Variants in NLRC3 observed in about 807,000 individuals in gnomAD.
The protein encoded by NLRC3 is NLR family CARD domain-containing protein 3.
A neutral mutation model predicts 91.6 loss-of-function variants in NLRC3; 87 were observed. The ratio of observed to expected loss-of-function variants is 0.95; its 90% CI spans 0.80 to 1.14. The LOEUF is 1.14. Among genes scored for constraint, NLRC3 ranks in the 50% most tolerant of loss-of-function variants. The pLI, the probability that NLRC3 is intolerant of heterozygous loss-of-function variation, is 0.00. For missense variants in NLRC3, 1,577 were observed against 1,418.6 expected (o/e 1.11, Z -1.79); for synonymous variants, 694 against 625.3 (o/e 1.11, Z -1.64).
chr16:3,576,766 G>A (rs551126159), intron 1 of NLRC3, among the ~76,000 whole-genome samples: 5 of 152,222 alleles, frequency 3.3e-5, no homozygotes, highest in African/African-American at 4.8e-5. Flanking sequence ...GGGTTCAAGC[G>A]GTTCTCCTGC....
In NLRC3 at chr16:3,564,929, G is replaced by A; in HGVS notation, c.108C>T (p.Gly36=). The A allele has an allele frequency of 6.2e-7, 1 of 1,610,378 alleles. No homozygotes were observed. The highest frequency in any genetic ancestry group is 8.5e-7 in the Non-Finnish European group (1 of 1,179,678). The stretch of plus-strand genomic sequence containing the variant: ...CCTGCGGGGCCTGGGAGCCTTGACT[G>A]CCCTTCCCAGCCAGCAGATCCATGA... ...KALMDLLAGK[G]SQGSQAPQAL... Residue 36 remains glycine (G), a synonymous_variant, in exon 4 of 20, where the codon GGC becomes GGT. Coordinates refer to ENST00000359128, the MANE Select transcript of NLRC3 (RefSeq NM_178844.4). The surrounding 1 kb of genome is among the most constrained non-coding windows in gnomAD (Gnocchi z 5.9).
intron 17 of NLRC3, 44 bp downstream of exon 17, chr16:3,543,381 A>G (rs1567457206): frequency 7.4e-7 from 1 of 1,352,614 alleles, no homozygotes; most frequent in Non-Finnish European, 1.0e-6. Flanking sequence ...GAATTCATTG[A>G]TTTCTTTGGG....
Position 3,541,722 on chromosome 16 carries a change from A to G in NLRC3, c.*103T>C, listed in dbSNP as rs1178882011. The stretch of plus-strand genomic sequence containing the variant: ...GCAGAGCCCGGCTCTCGTGCTGAGC[A>G]AGCAGCGTTCCCAGCTCCCAGACAG... On this transcript the variant is annotated 3_prime_UTR_variant, in exon 20 of 20. Transcript: ENST00000359128. 2 of 763,802 alleles carry G rather than the reference A, an allele frequency of 2.6e-6. No homozygotes were observed. Among genetic ancestry groups the G allele is most frequent in the Non-Finnish European group, 4.5e-6 (2 of 444,376 alleles). The allele number at this position is 763,802 out of a possible 1,614,324, so 47.3% of individuals were successfully genotyped here.
chr16:3,572,994 A>G (rs2040152633), intron 1 of NLRC3, among the ~76,000 whole-genome samples: 1 of 145,444 alleles, frequency 6.9e-6, no homozygotes, highest in Non-Finnish European at 1.5e-5. Flanking sequence ...CCTGGGCGAT[A>G]GAGCAAGACT....
rs2039370331 is a variant in NLRC3 at position 3,556,975 on chromosome 16, C to T, written c.2119G>A (p.Gly707Arg). ...TSLDLRGNSI[G>R]PQGAKALADA... is the part of the protein sequence containing the mutation. ...GCCAGCGCCTTGGCCCCTTGTGGTC[C>T]AATGGAGTTACCGCGGAGGCTGAAG... is the stretch of plus-strand genomic sequence containing the variant. The change falls in exon 8 of 20, where the codon GGA (glycine) becomes AGA (arginine). Residue 707 changes from glycine (G) to arginine (R), a missense_variant. Gly to Arg is a moderately radical substitution (Grantham distance 125). Coordinates refer to ENST00000359128, the MANE Select transcript of NLRC3 (RefSeq NM_178844.4). 4 of 1,613,488 alleles carry T rather than the reference C, an allele frequency of 2.5e-6. No individual in the cohort carries two copies. Among genetic ancestry groups the T allele is most frequent in the East Asian group, 4.5e-5 (2 of 44,876 alleles).
rs1567137705 is a variant in NLRC3 at position 3,557,680 on chromosome 16, C to T, written c.2016-4G>A. The T allele has an allele frequency of 6.2e-7, 1 of 1,609,176 alleles. No homozygotes were observed. Among genetic ancestry groups the T allele is most frequent in the Non-Finnish European group, 8.5e-7 (1 of 1,175,956 alleles). On this transcript the variant is annotated splice_region_variant and splice_polypyrimidine_tract_variant and intron_variant, in intron 6 of 19. Coordinates refer to ENST00000359128, the MANE Select transcript of NLRC3 (RefSeq NM_178844.4). ...ACTGATCTGGTTCTCCGCCAAGCTG[C>T]CCAAGGAAAGGGAGAGGAGTGGTTA...
chr16:3,557,732 C>G (rs1181755526), intron 6 of NLRC3, 56 bp from the exon 7 acceptor site: 4 of 1,083,068 alleles, frequency 3.7e-6, no homozygotes, highest in African/African-American at 3.1e-5. Context: ...CTCATGGCCT[C>G]TTCCTCAACG....
rs887564220 is a variant in NLRC3 at position 3,539,165 on chromosome 16, T to A, written c.*2660A>T. On this transcript the variant is annotated 3_prime_UTR_variant, in exon 20 of 20. Coordinates refer to ENST00000359128, the MANE Select transcript of NLRC3 (RefSeq NM_178844.4). ...TAGATCCCTCTCATTAGCACTTTAATATCAGTGTCACGTGTCTGGAAGGAA... is the reference window on the plus strand; with the variant it reads ...TAGATCCCTCTCATTAGCACTTTAAAATCAGTGTCACGTGTCTGGAAGGAA... 1 of 152,200 alleles carries A rather than the reference T, an allele frequency of 6.6e-6. No individual in the cohort carries two copies. Among genetic ancestry groups the A allele is most frequent in the Non-Finnish European group, 1.5e-5 (1 of 68,038 alleles). 9.4% of individuals were successfully genotyped at this position (152,200 alleles called of 1,614,324 possible).
At position 3,539,331 on chromosome 16, in the gene NLRC3, T is replaced by G. The variant is rs2038310178; in HGVS notation, c.*2494A>C. ...ACCTCCTACCTAGAAGTCCTTTCTA[T>G]GTGGATATGAATTAAATTCTCTTGT... On this transcript the variant is annotated 3_prime_UTR_variant, in exon 20 of 20. Coordinates refer to ENST00000359128, the MANE Select transcript of NLRC3 (RefSeq NM_178844.4). 1 of 152,256 alleles carries G rather than the reference T, an allele frequency of 6.6e-6. No individual in the cohort carries two copies. The highest frequency in any genetic ancestry group is 1.5e-5 in the Non-Finnish European group (1 of 68,030). The allele number at this position is 152,256 out of a possible 1,614,324, so 9.4% of individuals were successfully genotyped here.
intron 1 of NLRC3, among the ~76,000 whole-genome samples, chr16:3,576,323 G>C (rs1034820454): frequency 1.3e-4 from 20 of 152,340 alleles, no homozygotes; most frequent in Admixed American, 1.3e-3. Flanking sequence ...CCAAGGCTGT[G>C]GGCAGGAGAG....
At chr16:3,551,347 ACCAT>A (rs1363731384) in intron 10 of NLRC3, among the ~76,000 whole-genome samples, 1 of 136,222 alleles carries the variant, frequency 7.3e-6, no homozygotes, top group African/African-American at 2.8e-5. Context: ...CATCCATTCA[ACCAT>A]CCATCCATTC....
intron 5 of NLRC3, among the ~76,000 whole-genome samples, chr16:3,562,590 G>C (rs1032157092): frequency 2.6e-5 from 4 of 152,162 alleles, no homozygotes; most frequent in Non-Finnish European, 5.9e-5. Context: ...GCAGTGAGCT[G>C]AGATCGCGCC....
chr16:3,577,202 G>C lies in NLRC3; in HGVS notation c.-222C>G. ...CAGCAAGACTGGGGGGCCTGGGGGC[G>C]TCCATCTCCATGCTCCTGGGCTCAG... On this transcript the variant is annotated 5_prime_UTR_variant, in exon 1 of 20. Coordinates refer to ENST00000359128, the MANE Select transcript of NLRC3 (RefSeq NM_178844.4). 1 of 703,022 alleles carries C rather than the reference G, an allele frequency of 1.4e-6. No individual in the cohort carries two copies. The highest frequency in any genetic ancestry group is 2.6e-6 in the Non-Finnish European group (1 of 385,002). The allele number at this position is 703,022 out of a possible 1,614,324, so 43.5% of individuals were successfully genotyped here.
rs767490766 is a variant in NLRC3 at position 3,542,262 on chromosome 16, A to G, written c.3036T>C (p.Asn1012=). 1 of 1,588,632 alleles carries G rather than the reference A, an allele frequency of 6.3e-7. No homozygotes were observed. Among genetic ancestry groups the G allele is most frequent in the Non-Finnish European group, 8.6e-7 (1 of 1,166,162 alleles). Residue 1012 remains asparagine (N), a synonymous_variant, in exon 19 of 20, where the codon AAT becomes AAC. Transcript: ENST00000359128. ...ATATCGCCCCGTCCATCCCCAGAGA[A>G]TTCTCTTGAAGACTAAGTGGAAAAG... ...SSLRRLNLQE[N]SLGMDGAICI...
chr16:3,557,770 C>T, intron 6 of NLRC3, 94 bp from the exon 7 acceptor site: 1 of 775,676 alleles, frequency 1.3e-6, no homozygotes, highest in South Asian at 1.6e-5. Context: ...CCTCTAGGCT[C>T]CCCCACATCA....
intron 8 of NLRC3, among the ~76,000 whole-genome samples, chr16:3,556,075 T>C (rs987729725): frequency 3.3e-5 from 5 of 149,340 alleles, no homozygotes; most frequent in African/African-American, 1.2e-4. Context: ...ACACTTGTAA[T>C]CCCAGCACTT....
chr16:3,542,346 T>A, intron 18 of NLRC3, 72 bp from the exon 19 acceptor site: 1 of 931,710 alleles, frequency 1.1e-6, no homozygotes, highest in Non-Finnish European at 1.7e-6. Context: ...GAAGCAACAG[T>A]GCATTGTCTG....
chr16:3,541,743 G>T lies in NLRC3; in HGVS notation c.*82C>A. 1.1e-6 allele frequency: 1 copy of T among 918,424 alleles called. No individual in the cohort carries two copies. Among genetic ancestry groups the T allele is most frequent in the Non-Finnish European group, 1.7e-6 (1 of 573,862 alleles). The allele number at this position is 918,424 out of a possible 1,614,324, so 56.9% of individuals were successfully genotyped here. On this transcript the variant is annotated 3_prime_UTR_variant, in exon 20 of 20. Coordinates refer to ENST00000359128, the MANE Select transcript of NLRC3 (RefSeq NM_178844.4). ...GAGCAAGCAGCGTTCCCAGCTCCCA[G>T]ACAGGCCCCCCAGAAGTCGGCCTTT...
intron 1 of NLRC3, among the ~76,000 whole-genome samples, chr16:3,571,896 C>T (rs955120931): frequency 6.6e-6 from 1 of 150,756 alleles, no homozygotes; most frequent in South Asian, 2.1e-4. Context: ...GCCAAGATGG[C>T]GCCACTGCAC....
Sources: gnomAD v4.1 joint callset for allele counts (sites outside exome capture counted in the v4.1 genomes callset) on GRCh38, gnomAD v4.1.1 for gene constraint, Gnocchi (gnomAD v3.1) non-coding constraint, MANE v1.5 for transcripts, NCBI Gene and HGNC (gene_info 2026-07-23, HGNC 2026-07-21) for gene names.